CIMIP6: variants seen among roughly 807,000 people sequenced by gnomAD.
CIMIP6 encodes the protein uncharacterized protein C2orf73.
chr2:54,332,364 A>G, the CIMIP6 span, among the ~76,000 whole-genome samples: 1 of 152,198 alleles, frequency 6.6e-6, no homozygotes, highest in Non-Finnish European at 1.5e-5. Flanking sequence ...TGTAAGCTCT[A>G]TGAGGGCAGG....
the CIMIP6 span, among the ~76,000 whole-genome samples, chr2:54,358,532 G>T: frequency 7.2e-5 from 11 of 151,856 alleles, no homozygotes; most frequent in African/African-American, 2.7e-4. Context: ...CTTCCAAACA[G>T]CTGGGATTAT....
the CIMIP6 span, among the ~76,000 whole-genome samples, chr2:54,358,401 A>T: frequency 2.0e-5 from 3 of 148,466 alleles, no homozygotes; most frequent in Non-Finnish European, 3.0e-5. Context: ...ATATCTAACA[A>T]TTTTTTTTTT....
At chr2:54,381,728 C>A in the CIMIP6 span, 1 of 1,369,134 alleles carries the variant, frequency 7.3e-7, no homozygotes, top group Non-Finnish European at 9.5e-7. Context: ...CCTTTTGAGG[C>A]TTGAATGACT....
the CIMIP6 span, chr2:54,330,998 A>G: frequency 6.2e-7 from 1 of 1,613,784 alleles, no homozygotes; most frequent in East Asian, 2.2e-5. Context: ...GAAGATAAGC[A>G]TCAGTAAGTG....
the CIMIP6 span, among the ~76,000 whole-genome samples, chr2:54,336,615 A>G: frequency 6.6e-6 from 1 of 152,214 alleles, no homozygotes; most frequent in Non-Finnish European, 1.5e-5. Flanking sequence ...TGGGGGAAAA[A>G]AATCCTGTCC....
At chr2:54,354,636 C>G in the CIMIP6 span, among the ~76,000 whole-genome samples, 121 of 151,950 alleles carry the variant, frequency 8.0e-4, no homozygotes, top group Non-Finnish European at 1.6e-3. Context: ...TAGGTTATCA[C>G]TATTGTAGAG....
At chr2:54,347,315 G>C in the CIMIP6 span, among the ~76,000 whole-genome samples, 5 of 152,224 alleles carry the variant, frequency 3.3e-5, no homozygotes, top group South Asian at 1.0e-3. Flanking sequence ...CATTCTGTGT[G>C]AAAGAAATAG....
At chr2:54,360,175 T>G in the CIMIP6 span, 1 of 1,513,346 alleles carries the variant, frequency 6.6e-7, no homozygotes, top group African/African-American at 1.4e-5. Context: ...GTTCTCCTGG[T>G]TAATGTCGAC....
At chr2:54,336,290 C>T in the CIMIP6 span, among the ~76,000 whole-genome samples, 4 of 152,198 alleles carry the variant, frequency 2.6e-5, no homozygotes, top group Non-Finnish European at 5.9e-5. Flanking sequence ...CCAACAGCTA[C>T]TGATCTGTTT....
At chr2:54,363,902 G>C in the CIMIP6 span, among the ~76,000 whole-genome samples, 1 of 152,208 alleles carries the variant, frequency 6.6e-6, no homozygotes, top group South Asian at 2.1e-4. Flanking sequence ...GATTGACACA[G>C]TCCTTGTGTC....
the CIMIP6 span, chr2:54,383,243 C>T: frequency 6.6e-6 from 1 of 152,260 alleles, no homozygotes; most frequent in Non-Finnish European, 1.5e-5. Context: ...ATGACCATGG[C>T]ATGGGCAAAC....
the CIMIP6 span, chr2:54,343,593 C>T: frequency 7.0e-6 from 4 of 574,750 alleles, no homozygotes; most frequent in Non-Finnish European, 1.1e-5. Context: ...GATTTCAGAA[C>T]TCCACATTAG....
chr2:54,376,707 C>G, the CIMIP6 span, among the ~76,000 whole-genome samples: 11 of 152,190 alleles, frequency 7.2e-5, no homozygotes, highest in Admixed American at 3.3e-4. Flanking sequence ...TTAAAGAAAG[C>G]CTGCCAGACA....
the CIMIP6 span, among the ~76,000 whole-genome samples, chr2:54,358,368 G>A: frequency 1.3e-5 from 2 of 152,126 alleles, no homozygotes; most frequent in Admixed American, 6.5e-5. Context: ...TCCCTAAAAT[G>A]TATTGGTATC....
At chr2:54,339,334 C>T in the CIMIP6 span, among the ~76,000 whole-genome samples, 4 of 74,248 alleles carry the variant, frequency 5.4e-5, 1 homozygote, top group East Asian at 9.6e-4. Flanking sequence ...TTTTATAAAC[C>T]TTTCTCAGAG....
the CIMIP6 span, among the ~76,000 whole-genome samples, chr2:54,366,230 G>A: frequency 6.6e-6 from 1 of 152,174 alleles, no homozygotes; most frequent in Admixed American, 6.6e-5. Context: ...TTGAAGGGAG[G>A]ATGTAGGCAC....
At chr2:54,383,496 G>T in the CIMIP6 span, 1 of 152,170 alleles carries the variant, frequency 6.6e-6, no homozygotes, top group Non-Finnish European at 1.5e-5. Context: ...GAAGGAGCCA[G>T]GACCTCTGAG....
the CIMIP6 span, among the ~76,000 whole-genome samples, chr2:54,359,799 A>G: frequency 6.6e-6 from 1 of 152,162 alleles, no homozygotes; most frequent in East Asian, 1.9e-4. Flanking sequence ...GCTTTTCATC[A>G]GCGTTAATAG....
chr2:54,381,135 C>G, the CIMIP6 span, among the ~76,000 whole-genome samples: 2 of 152,204 alleles, frequency 1.3e-5, no homozygotes, highest in Non-Finnish European at 2.9e-5. Context: ...TTCCCTCTTT[C>G]CTGCATCAAG....
Sources: gnomAD v4.1 joint callset for allele counts (sites outside exome capture counted in the v4.1 genomes callset) on GRCh38, gnomAD v4.1.1 for gene constraint, MANE v1.5 for transcripts, NCBI Gene and HGNC (gene_info 2026-07-23, HGNC 2026-07-21) for gene names.